The following ADCY2 variants were observed in gnomAD, a reference collection of about 807,000 sequenced individuals.
ADCY2 encodes adenylate cyclase type 2.
ADCY2 carries 31 observed loss-of-function variants against 125.2 expected under a neutral mutation model. The observed-to-expected ratio is 0.25, with a 90% CI of 0.19 to 0.33. The LOEUF is 0.33. ADCY2 is among the 10% of genes least tolerant of loss of function. The probability of loss-of-function intolerance (pLI) is 1.00; values close to 1 mark genes in which losing one functional copy is unlikely to be tolerated. For synonymous variants in ADCY2, 512 were observed against 548.4 expected, an observed-to-expected ratio of 0.93 and a Z score of 0.93; for missense variants, 904 against 1,418.2, an observed-to-expected ratio of 0.64 and a Z score of 5.82.
chr5:7,447,118 A>G (rs893930368), intron 2 of ADCY2, among the ~76,000 whole-genome samples: 1 of 152,090 alleles, frequency 6.6e-6, no homozygotes. Flanking sequence ...GTCATCTGGT[A>G]CAAGGGCTGA....
intron 3 of ADCY2, among the ~76,000 whole-genome samples, chr5:7,603,784 C>CTTTT: frequency 0.014 from 877 of 62,790 alleles, 2 homozygotes; most frequent in Middle Eastern, 0.019. Context: ...TGCTCTCTTT[C>CTTTT]TTTTTTTTTT....
intron 3 of ADCY2, among the ~76,000 whole-genome samples, chr5:7,535,532 A>G (rs1377747375): frequency 6.6e-6 from 1 of 152,208 alleles, no homozygotes; most frequent in East Asian, 1.9e-4. Context: ...AGCTAAATGT[A>G]AAGTAGCTGA....
intron 2 of ADCY2, among the ~76,000 whole-genome samples, chr5:7,422,670 C>A (rs1740246954): frequency 6.6e-6 from 1 of 152,186 alleles, no homozygotes; most frequent in African/African-American, 2.4e-5. Flanking sequence ...AAATTACCAC[C>A]AACTCGAAAG....
At chr5:7,671,045 T>C (rs1233856611) in intron 4 of ADCY2, among the ~76,000 whole-genome samples, 1 of 152,238 alleles carries the variant, frequency 6.6e-6, no homozygotes, top group Non-Finnish European at 1.5e-5. Flanking sequence ...GTGATTTTAA[T>C]TATTTTAGAG....
intron 3 of ADCY2, among the ~76,000 whole-genome samples, chr5:7,605,884 T>C (rs1718401576): frequency 2.6e-5 from 2 of 76,896 alleles, no homozygotes; most frequent in Admixed American, 3.1e-4. Context: ...ATCCCTGTCT[T>C]GTGCCGGTTT....
chr5:7,586,962 A>C lies in ADCY2; in HGVS notation c.571-39205A>C, dbSNP rs1485596430. 4.6e-5 allele frequency among the ~76,000 whole-genome samples: 7 copies of C among 152,268 alleles called. No individual in the cohort carries two copies. The East Asian group carries it at 1.2e-3, about 25-fold the overall frequency. On this transcript the variant is annotated intron_variant, in intron 3 of 24. Coordinates refer to ENST00000338316, the MANE Select transcript of ADCY2 (RefSeq NM_020546.3). Reference sequence around the variant, plus strand: ...GTAGAGATAGTATTTATGTCTGTACATTTTCACACAGGTATATAGATAGAT... The same window carrying C: ...GTAGAGATAGTATTTATGTCTGTACCTTTTCACACAGGTATATAGATAGAT...
chr5:7,412,747 A>G (rs955797974), intron 1 of ADCY2, among the ~76,000 whole-genome samples: 2 of 152,240 alleles, frequency 1.3e-5, no homozygotes, highest in Non-Finnish European at 2.9e-5. Context: ...GCAGGACCAC[A>G]GACCCACAGG....
intron 3 of ADCY2, 112 bp from the exon 4 acceptor site, chr5:7,626,055 T>TA: frequency 8.3e-7 from 1 of 1,202,584 alleles, no homozygotes; most frequent in African/African-American, 1.5e-5. Context: ...GAAGTAAAAT[T>TA]AACTTCCTGC....
In ADCY2 at chr5:7,828,949, G is replaced by T. The variant is rs1407024711; in HGVS notation, c.*2078G>T. The T allele has an allele frequency of 1.3e-5, 2 of 152,312 alleles. No homozygotes were observed. The highest frequency in any genetic ancestry group is 4.8e-5 in the African/African-American group (2 of 41,416). 9.4% of individuals were successfully genotyped at this position (152,312 alleles called of 1,614,324 possible). On this transcript the variant is annotated 3_prime_UTR_variant, in exon 25 of 25. Coordinates refer to ENST00000338316, the MANE Select transcript of ADCY2 (RefSeq NM_020546.3). ...AGAGTCCCTCCCATTCCCCCACGGG[G>T]TGCACCGAACTTGGGTTTGCGCTAA...
intron 2 of ADCY2, among the ~76,000 whole-genome samples, chr5:7,432,000 T>C (rs779332083): frequency 7.2e-5 from 11 of 151,976 alleles, no homozygotes; most frequent in Non-Finnish European, 1.5e-4. Flanking sequence ...ACCCCTATCC[T>C]GTGCCCCTAA....
At position 7,634,280 on chromosome 5, in the gene ADCY2, A is replaced by G. The variant is rs958768119; in HGVS notation, c.720+7964A>G. On this transcript the variant is annotated intron_variant, in intron 4 of 24. Coordinates refer to ENST00000338316, the MANE Select transcript of ADCY2 (RefSeq NM_020546.3). ...GTTTACTGAACCGAGGTATCCATTT[A>G]TATCTGTAACAAATTGAAGGTTAGG... Among the ~76,000 whole-genome samples the G allele has an allele frequency of 4.6e-5, 7 of 152,234 alleles. No homozygotes were observed. The South Asian group carries it at 1.0e-3, about 23-fold the overall frequency.
At chr5:7,636,532 G>C (rs1028697636) in intron 4 of ADCY2, among the ~76,000 whole-genome samples, 6 of 152,190 alleles carry the variant, frequency 3.9e-5, no homozygotes, top group Non-Finnish European at 8.8e-5. Flanking sequence ...CAGATGTCTT[G>C]ATTGACCACC....
chr5:7,697,183 A>C (rs1412772388), intron 6 of ADCY2, among the ~76,000 whole-genome samples: 1 of 152,106 alleles, frequency 6.6e-6, no homozygotes, highest in Non-Finnish European at 1.5e-5. Flanking sequence ...CGCTATTGCC[A>C]AATAGGTTCA....
intron 4 of ADCY2, among the ~76,000 whole-genome samples, chr5:7,656,703 G>C (rs1479606445): frequency 6.6e-6 from 1 of 152,190 alleles, no homozygotes; most frequent in Non-Finnish European, 1.5e-5. Flanking sequence ...AGCAAAGTGG[G>C]AAGGATGTGA....
In ADCY2 at chr5:7,724,630, C is replaced by A; in HGVS notation, c.1773+16C>A. The A allele has an allele frequency of 1.3e-6, 2 of 1,527,934 alleles. No homozygotes were observed. Among genetic ancestry groups the A allele is most frequent in the Non-Finnish European group, 1.8e-6 (2 of 1,123,388 alleles). The allele number at this position is 1,527,934 out of a possible 1,614,324, so 94.6% of individuals were successfully genotyped here. On this transcript the variant is annotated intron_variant, in intron 13 of 24. Transcript: ENST00000338316. ...AGAAAAAGAGGTAAGTTTTTTTCTT[C>A]TTCAAAATCATCAATCGAGTTTTCT...
Position 7,804,573 on chromosome 5 carries a change from A to T in ADCY2, c.2776-12A>T, listed in dbSNP as rs368758758. The T allele has an allele frequency of 1.6e-5, 25 of 1,608,958 alleles. No individual in the cohort carries two copies. The highest frequency in any genetic ancestry group is 5.3e-5 in the African/African-American group (4 of 74,846). ...CCAGCTGAGTAACTGGACGGTTGTC[A>T]TTGCTTCACAGCTTCTTTCCAAGCC... On this transcript the variant is annotated splice_polypyrimidine_tract_variant and intron_variant, in intron 21 of 24. Transcript: ENST00000338316.
At chr5:7,776,537 T>C in intron 18 of ADCY2, among the ~76,000 whole-genome samples, 1 of 152,196 alleles carries the variant, frequency 6.6e-6, no homozygotes, top group East Asian at 1.9e-4. Context: ...CCTTGAGTGC[T>C]CTGACGACAC....
At position 7,826,754 on chromosome 5, in the gene ADCY2, C is replaced by G; in HGVS notation, c.3159C>G (p.Leu1053=). The part of the protein sequence containing the change: ...TEETSLVLQT[L]GYTCTCRGII... ...AGACGAGCCTCGTCCTGCAGACCCT[C>G]GGATACACGTGCACCTGTCGAGGAA... Residue 1053 remains leucine, a synonymous_variant, in exon 25 of 25, where the codon CTC becomes CTG. Transcript: ENST00000338316. The G allele has an allele frequency of 6.2e-7, 1 of 1,613,994 alleles. No individual in the cohort carries two copies.
chr5:7,624,016 C>T (rs1323839256), intron 3 of ADCY2, among the ~76,000 whole-genome samples: 2 of 152,168 alleles, frequency 1.3e-5, no homozygotes, highest in African/African-American at 4.8e-5. Flanking sequence ...TTTAGGAACT[C>T]TCTGGCCCCA....
Sources: allele counts gnomAD v4.1 joint callset (sites outside exome capture counted in the v4.1 genomes callset), GRCh38; gene constraint gnomAD v4.1.1; transcripts MANE v1.5; gene names NCBI Gene and HGNC (gene_info 2026-07-23, HGNC 2026-07-21).